The following DAPK1 variants were observed in gnomAD, a reference collection of about 807,000 sequenced individuals.
DAPK1 encodes the protein death-associated protein kinase 1.
A neutral mutation model predicts 144.9 loss-of-function variants in DAPK1; 56 were observed. The observed-to-expected ratio is 0.39, with a 90% confidence interval of 0.31 to 0.48. The LOEUF (loss-of-function observed/expected upper bound fraction) is 0.48, where lower values mean the gene tolerates loss of function less well. Ranked by LOEUF, DAPK1 falls within the 20% of genes least tolerant of loss-of-function variation. The pLI is 0.95. For missense variants in DAPK1, 1,454 were observed against 1,875.4 expected (o/e 0.78, Z 4.15); for synonymous variants, 690 against 749.0 (o/e 0.92, Z 1.29).
At chr9:87,497,409 A>G (rs1227407286), upstream of DAPK1, 1 of 152,250 alleles carries the variant, frequency 6.6e-6, no homozygotes, top group African/African-American at 2.4e-5. Context: ...TTTATTATCT[A>G]TCTGTCCCAC....
At chr9:87,529,968 C>T (rs1825646163) in intron 2 of DAPK1, among the ~76,000 whole-genome samples, 1 of 152,206 alleles carries the variant, frequency 6.6e-6, no homozygotes, top group South Asian at 2.1e-4. Context: ...GCCGCCCGCC[C>T]AAGCTTCTCA....
chr9:87,652,195 C>G (rs1830467994), intron 17 of DAPK1, among the ~76,000 whole-genome samples: 1 of 134,980 alleles, frequency 7.4e-6, no homozygotes, highest in Non-Finnish European at 1.6e-5. Context: ...GATTCTGTGT[C>G]CATCCCCCCG....
At chr9:87,634,536 A>G (rs1829819974) in intron 3 of DAPK1, among the ~76,000 whole-genome samples, 6 of 152,198 alleles carry the variant, frequency 3.9e-5, no homozygotes, top group Admixed American at 3.9e-4. Flanking sequence ...CACTTGTGCC[A>G]TTGGTCAAAG....
chr9:87,549,305 G>A (rs771772163), intron 2 of DAPK1, among the ~76,000 whole-genome samples: 35 of 152,150 alleles, frequency 2.3e-4, no homozygotes, highest in Non-Finnish European at 1.8e-4. Context: ...ATTCCATGTT[G>A]TATATGTACC....
intron 2 of DAPK1, among the ~76,000 whole-genome samples, chr9:87,530,224 C>G (rs1008888453): frequency 6.6e-6 from 1 of 152,186 alleles, no homozygotes; most frequent in Non-Finnish European, 1.5e-5. Flanking sequence ...GAGGAATAAG[C>G]TGACCCTGAG....
At chr9:87,610,684 C>A (rs1330414970) in intron 3 of DAPK1, among the ~76,000 whole-genome samples, 1 of 152,236 alleles carries the variant, frequency 6.6e-6, no homozygotes, top group Admixed American at 6.5e-5. Context: ...CTCCATGAAG[C>A]CTCAGTGTCA....
intron 2 of DAPK1, among the ~76,000 whole-genome samples, chr9:87,521,680 T>C (rs1217664292): frequency 6.6e-6 from 1 of 152,362 alleles, no homozygotes; most frequent in East Asian, 1.9e-4. Context: ...ATCCAATCTT[T>C]TGGCAATTTT....
intron 3 of DAPK1, among the ~76,000 whole-genome samples, chr9:87,608,137 G>A (rs181405260): frequency 1.7e-3 from 260 of 152,186 alleles, no homozygotes; most frequent in South Asian, 3.9e-3. Flanking sequence ...CTCCCACCAG[G>A]CCCCTCTTCC....
At chr9:87,646,757 C>G (rs967718023) in intron 13 of DAPK1, among the ~76,000 whole-genome samples, 198 bp downstream of exon 13, 1 of 152,208 alleles carries the variant, frequency 6.6e-6, no homozygotes, top group African/African-American at 2.4e-5. Flanking sequence ...TTTATCCTCC[C>G]CTTGGCGCTG....
At chr9:87,624,488 C>T (rs1829420831) in intron 3 of DAPK1, among the ~76,000 whole-genome samples, 4 of 152,226 alleles carry the variant, frequency 2.6e-5, no homozygotes, top group Admixed American at 2.6e-4. Flanking sequence ...GTCGAGCAGG[C>T]ACAGAACTTG....
intron 2 of DAPK1, among the ~76,000 whole-genome samples, chr9:87,576,168 ACACACGCATG>A (rs1438530833): frequency 1.3e-5 from 2 of 152,006 alleles, no homozygotes; most frequent in Admixed American, 6.6e-5. Flanking sequence ...ACACACGTGC[ACACACGCATG>A]CACACACATG....
intron 17 of DAPK1, among the ~76,000 whole-genome samples, chr9:87,656,933 G>A (rs2119207736): frequency 6.6e-6 from 1 of 152,306 alleles, no homozygotes; most frequent in Admixed American, 6.5e-5. Flanking sequence ...AGAGTAAGGG[G>A]GGAGGGGAGA....
At chr9:87,544,550 AC>A (rs946709908) in intron 2 of DAPK1, among the ~76,000 whole-genome samples, 1 of 152,212 alleles carries the variant, frequency 6.6e-6, no homozygotes, top group African/African-American at 2.4e-5. Flanking sequence ...ATACACATAC[AC>A]CAGAAAATTT....
At chr9:87,549,905 A>G (rs963798894) in intron 2 of DAPK1, among the ~76,000 whole-genome samples, 1 of 152,158 alleles carries the variant, frequency 6.6e-6, no homozygotes, top group African/African-American at 2.4e-5. Flanking sequence ...CTGTCACGCC[A>G]TCTTCATTAC....
At chr9:87,563,235 C>T (rs73494330) in intron 2 of DAPK1, among the ~76,000 whole-genome samples, 1 of 152,182 alleles carries the variant, frequency 6.6e-6, no homozygotes, top group African/African-American at 2.4e-5. Flanking sequence ...AGAATTTAGT[C>T]AACCAATCCA....
chr9:87,594,402 G>A (rs1225624737), intron 2 of DAPK1, among the ~76,000 whole-genome samples: 4 of 152,146 alleles, frequency 2.6e-5, no homozygotes, highest in South Asian at 2.1e-4. Context: ...TCTGCACACC[G>A]CCCACTGGGC....
chr9:87,525,730 C>G (rs1825483032), intron 2 of DAPK1, among the ~76,000 whole-genome samples: 1 of 152,108 alleles, frequency 6.6e-6, no homozygotes, highest in Non-Finnish European at 1.5e-5. Flanking sequence ...AGACCTGGCA[C>G]TGTGGCCGCT....
At position 87,707,742 on chromosome 9, in the gene DAPK1, A is replaced by T; in HGVS notation, c.*378A>T. The T allele has an allele frequency of 4.6e-6, 2 of 435,798 alleles. No individual in the cohort carries two copies. Among genetic ancestry groups the T allele is most frequent in the Non-Finnish European group, 8.8e-6 (2 of 226,372 alleles). The allele number at this position is 435,798 out of a possible 1,614,324, so 27.0% of individuals were successfully genotyped here. A position where few individuals can be genotyped will look rare whatever the true frequency, so the allele number is the denominator to read the frequency against. On this transcript the variant is annotated 3_prime_UTR_variant, in exon 26 of 26. Coordinates refer to ENST00000408954, the MANE Select transcript of DAPK1 (RefSeq NM_004938.4). The surrounding 1 kb of genome is among the most constrained non-coding windows in gnomAD (Gnocchi z 4.0). ...TTAACTACTATATTGATTGTCCTTT[A>T]AAAAAGAAAAGTGCATATTTATCCA...
chr9:87,557,641 A>T (rs1304118412), intron 2 of DAPK1, among the ~76,000 whole-genome samples: 1 of 152,198 alleles, frequency 6.6e-6, no homozygotes, highest in South Asian at 2.1e-4. Flanking sequence ...GTTGGATTTT[A>T]AAAAATACCT....
Sources: gnomAD v4.1 joint callset for allele counts (sites outside exome capture counted in the v4.1 genomes callset) on GRCh38, gnomAD v4.1.1 for gene constraint, Gnocchi (gnomAD v3.1) non-coding constraint, MANE v1.5 for transcripts, NCBI Gene and HGNC (gene_info 2026-07-23, HGNC 2026-07-21) for gene names.